Variants in PGGT1B observed in about 807,000 individuals in gnomAD.
The protein encoded by PGGT1B is geranylgeranyl transferase type-1 subunit beta.
PGGT1B carries 30 observed loss-of-function variants against 46.1 expected under a neutral mutation model. That is an observed-to-expected ratio of 0.65 (90% confidence interval 0.49 to 0.88). The LOEUF (loss-of-function observed/expected upper bound fraction) is 0.88. Among genes scored for constraint, PGGT1B ranks in the 40% least tolerant of loss-of-function variants. The pLI is 0.00. For synonymous variants in PGGT1B, 170 were observed against 160.0 expected, an observed-to-expected ratio of 1.06 and a Z score of -0.47; for missense variants, 376 against 455.9, an observed-to-expected ratio of 0.82 and a Z score of 1.60.
chr5:115,258,098 C>G (rs1748399924), intron 1 of PGGT1B, among the ~76,000 whole-genome samples: 1 of 152,146 alleles, frequency 6.6e-6, no homozygotes, highest in African/African-American at 2.4e-5. Flanking sequence ...TACTATCATA[C>G]TTTTTCAATA....
intron 1 of PGGT1B, among the ~76,000 whole-genome samples, chr5:115,257,530 C>CAAAAAAAAA (rs1169870044): frequency 6.9e-5 from 5 of 72,098 alleles, no homozygotes; most frequent in South Asian, 6.3e-4. Context: ...AACTCCATCT[C>CAAAAAAAAA]AAAAAAAAAA....
At chr5:115,214,147 A>G (rs922488963) in intron 8 of PGGT1B, among the ~76,000 whole-genome samples, 1 of 152,232 alleles carries the variant, frequency 6.6e-6, no homozygotes, top group African/African-American at 2.4e-5. Flanking sequence ...AAAGTACAAC[A>G]GAAAATATAT....
intron 5 of PGGT1B, among the ~76,000 whole-genome samples, chr5:115,235,420 T>C (rs79884054): frequency 0.021 from 3,248 of 152,202 alleles, 134 homozygotes; most frequent in African/African-American, 0.074. Context: ...AGGGACTCAC[T>C]GAATATTTAG....
At chr5:115,233,080 A>G (rs1354661166) in intron 5 of PGGT1B, among the ~76,000 whole-genome samples, 3 of 151,998 alleles carry the variant, frequency 2.0e-5, no homozygotes, top group Admixed American at 2.0e-4. Flanking sequence ...AATAAAAATC[A>G]CTAACATACA....
chr5:115,249,541 G>T (rs1211990304), intron 2 of PGGT1B, among the ~76,000 whole-genome samples: 1 of 152,088 alleles, frequency 6.6e-6, no homozygotes. Flanking sequence ...GGTTTGGTGG[G>T]AGTCAGGGTA....
At chr5:115,237,835 A>C in intron 4 of PGGT1B, 23 bp downstream of exon 4, 5 of 1,594,532 alleles carry the variant, frequency 3.1e-6, no homozygotes, top group Non-Finnish European at 4.3e-6. Context: ...ATTACAAAAA[A>C]AGTAACAAAG....
At position 115,212,074 on chromosome 5, in the gene PGGT1B, A is replaced by G. The variant is rs1561467405; in HGVS notation, c.*328T>C. 9.4e-6 allele frequency: 2 copies of G among 212,984 alleles called. No homozygotes were observed. Among genetic ancestry groups the G allele is most frequent in the East Asian group, 1.3e-4 (1 of 7,552 alleles). The allele number at this position is 212,984 out of a possible 1,614,324, so 13.2% of individuals were successfully genotyped here. A position where few individuals can be genotyped will look rare whatever the true frequency, so the allele number is the denominator to read the frequency against. On this transcript the variant is annotated 3_prime_UTR_variant, in exon 9 of 9. Coordinates refer to ENST00000419445, the MANE Select transcript of PGGT1B (RefSeq NM_005023.4). The stretch of plus-strand genomic sequence containing the variant: ...AGTGTAAACTTGAAAATTTGTGTCC[A>G]TTTTATAATAAGATACAATTTGCAC...
chr5:115,245,739 A>T (rs1189201907), intron 2 of PGGT1B, among the ~76,000 whole-genome samples: 3 of 152,100 alleles, frequency 2.0e-5, no homozygotes, highest in Non-Finnish European at 1.5e-5. Flanking sequence ...TTTTTTCCAG[A>T]AAGACTGTAT....
chr5:115,245,927 A>G (rs1747813062), intron 2 of PGGT1B, among the ~76,000 whole-genome samples: 1 of 152,194 alleles, frequency 6.6e-6, no homozygotes, highest in African/African-American at 2.4e-5. Context: ...TTCTTATGAA[A>G]AGCTATGATG....
rs558851341 is a variant in PGGT1B at position 115,211,222 on chromosome 5, T to C, written c.*1180A>G. The C allele has an allele frequency of 1.3e-5, 2 of 152,148 alleles. No individual in the cohort carries two copies. Among genetic ancestry groups the C allele is most frequent in the South Asian group, 4.1e-4 (2 of 4,820 alleles). 9.4% of individuals were successfully genotyped at this position (152,148 alleles called of 1,614,324 possible). On this transcript the variant is annotated 3_prime_UTR_variant, in exon 9 of 9. Coordinates refer to ENST00000419445, the MANE Select transcript of PGGT1B (RefSeq NM_005023.4). ...CTGAGCAAGTAACGGATATGAGTTA[T>C]TGATAAATTAATTACTAATGAAGAG...
chr5:115,212,711 T>G (rs187689268), intron 8 of PGGT1B, 128 bp from the exon 9 acceptor site: 18 of 579,660 alleles, frequency 3.1e-5, no homozygotes, highest in Admixed American at 1.8e-4. Context: ...CTAATATAGT[T>G]TTAAAAATAT....
chr5:115,244,831 T>C (rs1747748984), intron 2 of PGGT1B, among the ~76,000 whole-genome samples: 1 of 152,080 alleles, frequency 6.6e-6, no homozygotes, highest in Admixed American at 6.5e-5. Flanking sequence ...CCTCAAGTGA[T>C]CTGCCTGTCT....
At chr5:115,261,289 A>G (rs1020201927) in intron 1 of PGGT1B, among the ~76,000 whole-genome samples, 2 of 152,208 alleles carry the variant, frequency 1.3e-5, no homozygotes, top group African/African-American at 4.8e-5. Flanking sequence ...AGGAAGGAAT[A>G]TAAACGTTTC....
In PGGT1B at chr5:115,212,531, A is replaced by C. The variant is rs371363920; in HGVS notation, c.1005T>G (p.Ser335Arg). The C allele has an allele frequency of 1.2e-6, 2 of 1,613,414 alleles. No homozygotes were observed. Among genetic ancestry groups the C allele is most frequent in the Non-Finnish European group, 1.7e-6 (2 of 1,179,710 alleles). Reference sequence around the variant, plus strand: ...GAGCAGGATGAACTTTACAAATTCCACTTTCCTCCATTAGTGACAGGCCAC... The same window carrying C: ...GAGCAGGATGAACTTTACAAATTCCCCTTTCCTCCATTAGTGACAGGCCAC... ...GICGLSLMEE[S>R]GICKVHPALN... The change falls in exon 9 of 9, where the codon AGT (serine) becomes AGG (arginine). Residue 335 changes from serine to arginine, a missense_variant. Around this residue, in one of 2 missense-constraint regions of PGGT1B, gnomAD observed 222 missense variants for 313.6 expected, o/e 0.71. Transcript: ENST00000419445.
Position 115,262,719 on chromosome 5 carries a change from T to G in PGGT1B, c.133A>C (p.Thr45Pro). Residue 45 changes from threonine (T) to proline (P), a missense_variant, in exon 1 of 9, where the codon ACA becomes CCA. Coordinates refer to ENST00000419445, the MANE Select transcript of PGGT1B (RefSeq NM_005023.4). ...VLPERYSSLE[T>P]SRLTIAFFAL... ...GACTGTGCCACGAGTTACCTGCTTG[T>G]CTCGAGTGAAGAATAGCGCTCCGGC... 6.2e-7 allele frequency: 1 copy of G among 1,608,510 alleles called. No homozygotes were observed. Among genetic ancestry groups the G allele is most frequent in the Non-Finnish European group, 8.5e-7 (1 of 1,177,346 alleles).
intron 8 of PGGT1B, 148 bp downstream of exon 8, chr5:115,216,717 A>T (rs1213860885): frequency 4.7e-6 from 3 of 635,696 alleles, no homozygotes; most frequent in Non-Finnish European, 8.4e-6. Context: ...AATTTATCCT[A>T]AGCTTACACA....
chr5:115,251,741 T>C (rs956773688), intron 2 of PGGT1B, among the ~76,000 whole-genome samples: 1 of 152,014 alleles, frequency 6.6e-6, no homozygotes, highest in Non-Finnish European at 1.5e-5. Context: ...ACTTAGGGAA[T>C]AGCTTTCGTA....
intron 6 of PGGT1B, among the ~76,000 whole-genome samples, chr5:115,226,259 C>G (rs1300788710): frequency 6.6e-6 from 1 of 152,024 alleles, no homozygotes; most frequent in African/African-American, 2.4e-5. Flanking sequence ...CTGCATGACA[C>G]TCAAAGGAAA....
chr5:115,223,969 T>C (rs2079065023), intron 6 of PGGT1B, among the ~76,000 whole-genome samples: 1 of 152,184 alleles, frequency 6.6e-6, no homozygotes. Context: ...CTTGAATGTA[T>C]TCTCTGGCAA....
Sources: gnomAD v4.1 joint callset for allele counts (sites outside exome capture counted in the v4.1 genomes callset) on GRCh38, gnomAD v4.1.1 for gene constraint, gnomAD v4.1.1 regional missense constraint, MANE v1.5 for transcripts, NCBI Gene and HGNC (gene_info 2026-07-23, HGNC 2026-07-21) for gene names.